Variants in IKBKB observed in about 807,000 individuals in gnomAD.
The protein encoded by IKBKB is inhibitor of nuclear factor kappa-B kinase subunit beta.
A neutral mutation model predicts 113.6 loss-of-function variants in IKBKB; 42 were observed. The ratio of observed to expected loss-of-function variants is 0.37; its 90% CI spans 0.29 to 0.48. IKBKB has a LOEUF of 0.48. IKBKB is among the 20% of genes least tolerant of loss of function. IKBKB has a pLI of 0.99. For missense variants in IKBKB, 673 were observed against 939.7 expected (o/e 0.72, Z 3.71); for synonymous variants, 296 against 361.3 (o/e 0.82, Z 2.05).
rs1246900616 is a variant in IKBKB at position 42,322,467 on chromosome 8, G to A, written c.1959G>A (p.Glu653=). Residue 653 remains glutamate, a synonymous_variant, in exon 19 of 22, where the codon GAG becomes GAA. Transcript: ENST00000520810. ...VVRLQEKRQK[E]LWNLLKIACS... is the part of the protein sequence containing the mutation. The stretch of plus-strand genomic sequence containing the variant: ...GGCTGCAGGAGAAGCGGCAGAAGGA[G>A]CTCTGGAATCTCCTGAAGATTGCTT... The A allele has an allele frequency of 6.2e-7, 1 of 1,614,076 alleles. No individual in the cohort carries two copies. Among genetic ancestry groups the A allele is most frequent in the Non-Finnish European group, 8.5e-7 (1 of 1,180,026 alleles).
intron 3 of IKBKB, among the ~76,000 whole-genome samples, chr8:42,289,819 C>T (rs1812220865): frequency 6.6e-6 from 1 of 152,162 alleles, no homozygotes; most frequent in Non-Finnish European, 1.5e-5. Context: ...TGCCTGCTTG[C>T]GTGTGTGACA....
In IKBKB at chr8:42,283,418, T is replaced by C. The variant is rs114490836; in HGVS notation, c.106-5216T>C. 5.0e-3 allele frequency among the ~76,000 whole-genome samples: 765 copies of C among 152,286 alleles called. 11 individuals carry two copies. The highest frequency in any genetic ancestry group is 0.016 in the African/African-American group (670 of 41,564). On this transcript the variant is annotated intron_variant, in intron 2 of 21. Transcript: ENST00000520810. ...AATTAAGTTTTCTAATCAGCTGACC[T>C]TAGAGATTGGCCTGGCTTCCCTGGG... is the stretch of plus-strand genomic sequence containing the variant.
intron 8 of IKBKB, 64 bp downstream of exon 8, chr8:42,309,089 C>G (rs938785483): frequency 9.2e-6 from 14 of 1,523,824 alleles, no homozygotes; most frequent in Middle Eastern, 1.8e-4. Context: ...CTTCACGTAC[C>G]CTGTTTCCCT....
At chr8:42,303,062 A>AGG (rs1815630162) in intron 5 of IKBKB, among the ~76,000 whole-genome samples, 1 of 102,250 alleles carries the variant, frequency 9.8e-6, no homozygotes, top group Admixed American at 8.7e-5. Context: ...GCCGAGAGGG[A>AGG]GAGAGAGAGA....
intron 5 of IKBKB, among the ~76,000 whole-genome samples, chr8:42,298,718 G>T (rs968444920): frequency 6.6e-6 from 1 of 152,160 alleles, no homozygotes; most frequent in Non-Finnish European, 1.5e-5. Flanking sequence ...TGTCATGGCC[G>T]CAGCGTCCCC....
chr8:42,319,417 G>A lies in IKBKB; in HGVS notation c.1512G>A (p.Gly504=), dbSNP rs1819339004. 6.2e-7 allele frequency: 1 copy of A among 1,614,064 alleles called. No homozygotes were observed. Among genetic ancestry groups the A allele is most frequent in the Non-Finnish European group, 8.5e-7 (1 of 1,180,030 alleles). ...LEKYSEQTEF[G]ITSDKLLLAW... ...AGTACAGCGAGCAAACCGAGTTTGG[G>A]ATCAGTGAGTGTGCACTTTGCAATG... The change falls in exon 14 of 22, where the codon GGG becomes GGA. Residue 504 remains glycine (G), a synonymous_variant. Transcript: ENST00000520810.
At chr8:42,290,483 A>AG (rs1812389183) in intron 4 of IKBKB, among the ~76,000 whole-genome samples, 1 of 152,070 alleles carries the variant, frequency 6.6e-6, no homozygotes, top group Non-Finnish European at 1.5e-5. Flanking sequence ...CGAGAACACC[A>AG]GGGAAGGGGT....
chr8:42,297,895 A>G (rs1223926891), intron 5 of IKBKB, among the ~76,000 whole-genome samples: 2 of 149,292 alleles, frequency 1.3e-5, no homozygotes, highest in East Asian at 3.9e-4. Context: ...ACTCTGTCTC[A>G]AAAAAAAAAG....
intron 8 of IKBKB, chr8:42,309,632 C>T: frequency 4.9e-6 from 1 of 202,350 alleles, no homozygotes; most frequent in South Asian, 6.1e-5. Context: ...GCCTGTAATC[C>T]CAGCTACTCG....
At position 42,316,437 on chromosome 8, in the gene IKBKB, AGT is replaced by A; in HGVS notation, c.930+100_930+101del. The A allele has an allele frequency of 6.9e-7, 1 of 1,451,970 alleles. No individual in the cohort carries two copies. Among genetic ancestry groups the A allele is most frequent in the Non-Finnish European group, 9.4e-7 (1 of 1,066,656 alleles). The allele number at this position is 1,451,970 out of a possible 1,614,324, so 89.9% of individuals were successfully genotyped here. A position where few individuals can be genotyped will look rare whatever the true frequency, so the allele number is the denominator to read the frequency against. On this transcript the variant is annotated intron_variant, in intron 10 of 21. Coordinates refer to ENST00000520810, the MANE Select transcript of IKBKB (RefSeq NM_001556.3). The surrounding 1 kb of genome is among the most constrained non-coding windows in gnomAD (Gnocchi z 4.5). ...AGCAGGGGATGGGGCCAGCTGACCT[AGT>A]GAGGAAATTTAGGCTCCTGCATCAG...
At chr8:42,298,349 C>G in intron 5 of IKBKB, 1 of 985,418 alleles carries the variant, frequency 1.0e-6, no homozygotes, top group Non-Finnish European at 1.2e-6. Flanking sequence ...TTTCGGGAAC[C>G]CACCCCTCTG....
At chr8:42,276,079 G>A (rs1177901266) in intron 2 of IKBKB, among the ~76,000 whole-genome samples, 1 of 152,212 alleles carries the variant, frequency 6.6e-6, no homozygotes, top group Non-Finnish European at 1.5e-5. Context: ...GACCTCAGGT[G>A]ATCCGCCTGC....
chr8:42,306,040 A>G (rs1016371356), intron 6 of IKBKB, among the ~76,000 whole-genome samples: 7 of 152,138 alleles, frequency 4.6e-5, no homozygotes, highest in African/African-American at 1.7e-4. Flanking sequence ...TTCCTGTTTC[A>G]AGTCTGGGTT....
At chr8:42,277,087 G>T (rs1809303341) in intron 2 of IKBKB, among the ~76,000 whole-genome samples, 1 of 151,310 alleles carries the variant, frequency 6.6e-6, no homozygotes, top group Non-Finnish European at 1.5e-5. Context: ...AGCCAGGACG[G>T]TCTCAATCTC....
intron 5 of IKBKB, among the ~76,000 whole-genome samples, chr8:42,298,667 C>T (rs992239708): frequency 1.5e-4 from 23 of 152,200 alleles, no homozygotes; most frequent in African/African-American, 5.5e-4. Context: ...AGTCATGGCT[C>T]CACCATTTTA....
rs1286940689 is a variant in IKBKB, at chr8:42,318,671, G to A, written c.1360G>A (p.Ala454Thr). The A allele has an allele frequency of 2.4e-5, 38 of 1,602,954 alleles. No individual in the cohort carries two copies. Among genetic ancestry groups the A allele is most frequent in the Admixed American group, 5.2e-5 (3 of 57,694 alleles). The change falls in exon 13 of 22, where the codon GCC becomes ACC. Residue 454 changes from alanine (A) to threonine (T), a missense_variant. Around this residue, in one of 2 missense-constraint regions of IKBKB, gnomAD observed 506 missense variants for 638.7 expected, o/e 0.79. Coordinates refer to ENST00000520810, the MANE Select transcript of IKBKB (RefSeq NM_001556.3). ...CCGGCTGCAGCAGGGACAGCGAGCC[G>A]CCATGTAGCGTGCCAGGCTTTTTTT... ...CNRLQQGQRA[A>T]MMNLLRNNSC...
intron 2 of IKBKB, among the ~76,000 whole-genome samples, chr8:42,278,068 G>T (rs544261026): frequency 1.3e-5 from 2 of 152,228 alleles, no homozygotes; most frequent in African/African-American, 4.8e-5. Context: ...GAGACCTTCC[G>T]TTGGGGTGGG....
intron 19 of IKBKB, chr8:42,325,507 C>T (rs1585816951): frequency 4.5e-6 from 3 of 667,584 alleles, no homozygotes; most frequent in Non-Finnish European, 5.6e-6. Context: ...GGTGAAACAC[C>T]GTCTCTACTA....
chr8:42,322,169 T>A lies in IKBKB; in HGVS notation c.1838+16T>A, dbSNP rs1563364304. ...CGCAGCTCAGGTATGAGCCCCGACC[T>A]TCCTGCTCTGGAGGAAGGACTGGGA... On this transcript the variant is annotated intron_variant, in intron 18 of 21. Coordinates refer to ENST00000520810, the MANE Select transcript of IKBKB (RefSeq NM_001556.3). The A allele has an allele frequency of 6.2e-7, 1 of 1,606,120 alleles. No individual in the cohort carries two copies. Among genetic ancestry groups the A allele is most frequent in the Admixed American group, 1.7e-5 (1 of 59,994 alleles).
Sources: allele counts gnomAD v4.1 joint callset (sites outside exome capture counted in the v4.1 genomes callset), GRCh38; gene constraint gnomAD v4.1.1; regional missense constraint gnomAD v4.1.1; non-coding constraint Gnocchi (gnomAD v3.1); transcripts MANE v1.5; gene names NCBI Gene and HGNC (gene_info 2026-07-23, HGNC 2026-07-21).